Variants in RASSF3 observed in about 807,000 individuals in gnomAD.
RASSF3 encodes the protein Ras association domain family member 3.
RASSF3 carries 19 observed loss-of-function variants against 19.9 expected under a neutral mutation model. The observed-to-expected ratio is 0.96, with a 90% CI of 0.67 to 1.40. The LOEUF (loss-of-function observed/expected upper bound fraction) is 1.40. RASSF3 is among the 40% of genes most tolerant of loss of function. The pLI is 0.00. For synonymous variants in RASSF3, 110 were observed against 104.2 expected (o/e 1.06, Z -0.34); for missense variants, 306 against 289.8 (o/e 1.06, Z -0.41).
chr12:64,635,966 T>C (rs1871315290), intron 1 of RASSF3, among the ~76,000 whole-genome samples: 2 of 152,182 alleles, frequency 1.3e-5, no homozygotes, highest in Admixed American at 1.3e-4. Context: ...ACCCTGAAAT[T>C]CCGAAACTAT....
At chr12:64,519,090 G>A (rs1021338169) in intron 1 of RASSF3, among the ~76,000 whole-genome samples, 7 of 152,066 alleles carry the variant, frequency 4.6e-5, no homozygotes, top group Admixed American at 2.0e-4. Flanking sequence ...CACCTCCCTC[G>A]TATTATTGTC....
intron 1 of RASSF3, among the ~76,000 whole-genome samples, chr12:64,523,729 C>A (rs1256911255): frequency 3.9e-5 from 6 of 151,918 alleles, no homozygotes; most frequent in Non-Finnish European, 7.4e-5. Context: ...CAGAGTCTTG[C>A]TATGTTGCCC....
intron 1 of RASSF3, among the ~76,000 whole-genome samples, chr12:64,611,239 G>T (rs1870352184): frequency 6.6e-6 from 1 of 152,214 alleles, no homozygotes; most frequent in Non-Finnish European, 1.5e-5. Flanking sequence ...CGGGCGACCT[G>T]GTGGAGTGGG....
intron 2 of RASSF3, among the ~76,000 whole-genome samples, chr12:64,571,075 G>A (rs190816410): frequency 1.7e-3 from 259 of 152,142 alleles, no homozygotes; most frequent in Middle Eastern, 3.4e-3. Context: ...AAAATCAGCC[G>A]GGTGTGGTCG....
At position 64,610,704 on chromosome 12, in the gene RASSF3, C is replaced by T. The variant is rs764850960; in HGVS notation, c.72C>T (p.Phe24=). ...TCTTCACCGCCAGGACCTCCTTCTT[C>T]AGGAGAGCGCCCCAGGGCAAGCCCC... ...DFFFTARTSF[F]RRAPQGKPRS... is the part of the protein sequence containing the mutation. Residue 24 remains phenylalanine, a synonymous_variant, in exon 1 of 5, where the codon TTC becomes TTT. Transcript: ENST00000542104. The T allele has an allele frequency of 2.5e-6, 4 of 1,595,208 alleles. No individual in the cohort carries two copies. Among genetic ancestry groups the T allele is most frequent in the East Asian group, 4.7e-5 (2 of 42,348 alleles).
chr12:64,687,359 G>GT (rs559044736), intron 2 of RASSF3, among the ~76,000 whole-genome samples: 45 of 152,008 alleles, frequency 3.0e-4, no homozygotes, highest in Non-Finnish European at 5.1e-4. Flanking sequence ...TGTTATTACT[G>GT]TTTTTGGCAA....
downstream of RASSF3, among the ~76,000 whole-genome samples, chr12:64,543,531 C>T (rs1253987833): frequency 1.3e-5 from 1 of 78,650 alleles, no homozygotes; most frequent in African/African-American, 4.1e-5. Context: ...CCCGCTCTCC[C>T]CCGCCCCCCG....
intron 2 of RASSF3, among the ~76,000 whole-genome samples, chr12:64,598,162 G>C (rs1870026221): frequency 6.6e-6 from 1 of 152,050 alleles, no homozygotes; most frequent in Non-Finnish European, 1.5e-5. Flanking sequence ...CAAGTGACTT[G>C]CCCACTTTGG....
intron 2 of RASSF3, among the ~76,000 whole-genome samples, chr12:64,572,736 T>C (rs1366809739): frequency 6.6e-6 from 1 of 152,184 alleles, no homozygotes. Context: ...CTTTACTTAA[T>C]AGATGAAGAA....
rs559024327 is a variant in RASSF3 at position 64,568,900 on chromosome 12, CAG to C, written c.294+27196_294+27197del. ...AATTTTTGTATTATTTTAGTAGAGA[CAG>C]GGTTTCACCATGTTAGCCAGGCTGG... On this transcript the variant is annotated intron_variant, in intron 2 of 5. Coordinates refer to the RASSF3 transcript ENST00000637125. Among the ~76,000 whole-genome samples, 30 of 152,200 alleles carry C rather than the reference CAG, an allele frequency of 2.0e-4. No homozygotes were observed. In the South Asian group the frequency reaches 6.0e-3, roughly 31 times the overall value.
At chr12:64,548,805 A>G (rs965912645) in intron 2 of RASSF3, among the ~76,000 whole-genome samples, 1 of 152,218 alleles carries the variant, frequency 6.6e-6, no homozygotes, top group African/African-American at 2.4e-5. Flanking sequence ...TCAATTTTAA[A>G]GGGCTTAGTG....
At position 64,675,047 on chromosome 12, in the gene RASSF3, C is replaced by CG. The variant is rs1352558654; in HGVS notation, c.112-9740_112-9739insG. 6.2e-4 allele frequency among the ~76,000 whole-genome samples: 66 copies of CG among 106,910 alleles called. 6 individuals carry two copies. In the South Asian group the frequency reaches 8.4e-3, roughly 14 times the overall value. The allele number at this position is 106,910 out of a possible 152,430, so 70.1% of individuals were successfully genotyped here. A position where few individuals can be genotyped will look rare whatever the true frequency, so the allele number is the denominator to read the frequency against. ...AAGTTGTCTAAAATACCCACCTAGC[C>CG]CCCCCCCCCCCCGCCACCCCGGCTT... On this transcript the variant is annotated intron_variant, in intron 1 of 4. Transcript: ENST00000542104.
At chr12:64,582,271 G>A (rs751059024) in intron 2 of RASSF3, among the ~76,000 whole-genome samples, 3 of 152,082 alleles carry the variant, frequency 2.0e-5, no homozygotes, top group South Asian at 2.1e-4. Context: ...CTTTCAGCCC[G>A]TTGCCACCAC....
In RASSF3 at chr12:64,551,172, T is replaced by C. The variant is rs143597718; in HGVS notation, c.294+9467T>C. On this transcript the variant is annotated intron_variant, in intron 2 of 5. Transcript: ENST00000637125. ...GTACCAGACATGTACAAAGTACCTA[T>C]GCACAGATTAAGAGCAAGGACGGTC... Among the ~76,000 whole-genome samples, 103 of 152,324 alleles carry C rather than the reference T, an allele frequency of 6.8e-4. 1 individual carries two copies. The highest frequency in any genetic ancestry group is 2.4e-3 in the African/African-American group (100 of 41,570).
chr12:64,679,813 C>G (rs1873053330), intron 1 of RASSF3, among the ~76,000 whole-genome samples: 1 of 152,162 alleles, frequency 6.6e-6, no homozygotes, highest in African/African-American at 2.4e-5. Flanking sequence ...CAAAACAAAA[C>G]TGACTTATGA....
At chr12:64,679,474 A>G (rs1200824351) in intron 1 of RASSF3, among the ~76,000 whole-genome samples, 1 of 152,252 alleles carries the variant, frequency 6.6e-6, no homozygotes, top group Non-Finnish European at 1.5e-5. Context: ...AGTATAAACA[A>G]TTCTCAGACC....
intron 1 of RASSF3, among the ~76,000 whole-genome samples, chr12:64,652,748 T>C (rs1313757044): frequency 6.6e-6 from 1 of 152,234 alleles, no homozygotes; most frequent in Admixed American, 6.5e-5. Context: ...CACACTCTTA[T>C]TATTTTCTAA....
intron 1 of RASSF3, among the ~76,000 whole-genome samples, chr12:64,657,369 A>T (rs890703667): frequency 1.3e-5 from 2 of 152,250 alleles, no homozygotes; most frequent in Non-Finnish European, 2.9e-5. Flanking sequence ...TGGTTCCACA[A>T]TATTGTGAAT....
At chr12:64,684,726 C>T (rs986436350) in intron 1 of RASSF3, 61 bp from the exon 2 acceptor site, 28 of 1,149,490 alleles carry the variant, frequency 2.4e-5, no homozygotes, top group African/African-American at 6.1e-5. Context: ...CCACTGCGCC[C>T]GGCCTATCCG....
Sources: allele counts gnomAD v4.1 joint callset (sites outside exome capture counted in the v4.1 genomes callset), GRCh38; gene constraint gnomAD v4.1.1; transcripts MANE v1.5; gene names NCBI Gene and HGNC (gene_info 2026-07-23, HGNC 2026-07-21).